SOX6: variants seen among roughly 807,000 people sequenced by gnomAD.
SOX6 encodes SRY-box transcription factor 6, also known as transcription factor SOX-6.
SOX6 carries 11 observed loss-of-function variants against 97.8 expected under a neutral mutation model. That is an observed-to-expected ratio of 0.11 (90% CI 0.07 to 0.19). SOX6 has a LOEUF of 0.19. Ranked by LOEUF, SOX6 falls within the 10% of genes least tolerant of loss-of-function variation. The pLI, the probability that SOX6 is intolerant of heterozygous loss-of-function variation, is 1.00. For synonymous variants in SOX6, 360 were observed against 371.4 expected, an observed-to-expected ratio of 0.97 and a Z score of 0.35; for missense variants, 810 against 1,039.5, an observed-to-expected ratio of 0.78 and a Z score of 3.04.
chr11:16,511,494 GC>G (rs1860879175), intron 4 of SOX6, among the ~76,000 whole-genome samples: 1 of 151,892 alleles, frequency 6.6e-6, no homozygotes, highest in Admixed American at 6.6e-5. Flanking sequence ...ATATTCCCAG[GC>G]TTTACCTGTT....
intron 3 of SOX6, among the ~76,000 whole-genome samples, chr11:16,661,580 C>T (rs990353122): frequency 2.0e-5 from 3 of 152,090 alleles, no homozygotes; most frequent in African/African-American, 7.2e-5. Flanking sequence ...CAAGGTCCTG[C>T]TCTGTCACGA....
intron 3 of SOX6, among the ~76,000 whole-genome samples, chr11:16,256,241 T>C (rs1464107065): frequency 1.3e-5 from 2 of 151,894 alleles, no homozygotes; most frequent in Non-Finnish European, 2.9e-5. Flanking sequence ...GACAAGGATA[T>C]TATAAGAAAA....
chr11:16,599,419 T>C (rs569071076), intron 4 of SOX6, among the ~76,000 whole-genome samples: 4 of 152,232 alleles, frequency 2.6e-5, no homozygotes, highest in Admixed American at 2.0e-4. Context: ...TGTATTTCAC[T>C]ATTTATCCCC....
chr11:15,990,430 T>G (rs1346810152), intron 13 of SOX6, among the ~76,000 whole-genome samples: 4 of 151,724 alleles, frequency 2.6e-5, no homozygotes, highest in African/African-American at 9.7e-5. Flanking sequence ...AAGAGCTGAC[T>G]CTAGTAACAT....
chr11:15,984,247 C>G (rs977758321), intron 15 of SOX6, among the ~76,000 whole-genome samples: 3 of 152,086 alleles, frequency 2.0e-5, no homozygotes, highest in Non-Finnish European at 4.4e-5. Flanking sequence ...TGATCTAGAG[C>G]TGTTTTAATG....
intron 3 of SOX6, among the ~76,000 whole-genome samples, chr11:16,265,317 C>T (rs1308197796): frequency 1.3e-5 from 2 of 151,864 alleles, no homozygotes; most frequent in Non-Finnish European, 2.9e-5. Flanking sequence ...TGGAAATAGT[C>T]ATGATTTGGT....
At chr11:16,309,738 G>C (rs1855542951) in intron 3 of SOX6, among the ~76,000 whole-genome samples, 1 of 151,506 alleles carries the variant, frequency 6.6e-6, no homozygotes, top group Non-Finnish European at 1.5e-5. Flanking sequence ...TTTTTCTTTT[G>C]ATATTGCATA....
intron 6 of SOX6, among the ~76,000 whole-genome samples, chr11:16,134,520 C>A (rs1590218511): frequency 6.6e-6 from 1 of 152,200 alleles, no homozygotes; most frequent in Non-Finnish European, 1.5e-5. Context: ...TTTGTGGCAA[C>A]CCTGGTCAAG....
chr11:16,552,073 T>C (rs528937565), intron 4 of SOX6, among the ~76,000 whole-genome samples: 1 of 151,270 alleles, frequency 6.6e-6, no homozygotes, highest in East Asian at 1.9e-4. Flanking sequence ...CATATTTTAT[T>C]GAAACCCAAA....
chr11:16,658,477 G>C (rs924107559), intron 3 of SOX6, among the ~76,000 whole-genome samples: 3 of 152,094 alleles, frequency 2.0e-5, no homozygotes, highest in Non-Finnish European at 2.9e-5. Context: ...GGGAGGCCAA[G>C]GCAGGCAGAT....
chr11:16,678,972 G>A (rs1249691978), intron 3 of SOX6, among the ~76,000 whole-genome samples: 2 of 152,254 alleles, frequency 1.3e-5, no homozygotes, highest in African/African-American at 4.8e-5. Flanking sequence ...CTCGAACTGG[G>A]TGGAGGCCAC....
Position 16,583,612 on chromosome 11 carries a change from T to TACATATATATATATATACACACACAC in SOX6, n.609+28468_609+28469insGTGTGTGTGTATATATATATATATGT, listed in dbSNP as rs1565186371. ...ATATATGTATATATGTGTATATATA[T>TACATATATATATATATACACACACAC]ACATATATATATATATATATATATA... On this transcript the variant is annotated intron_variant and non_coding_transcript_variant, in intron 4 of 5. Transcript: ENST00000524520. 2.0e-3 allele frequency among the ~76,000 whole-genome samples: 86 copies of TACATATATATATATATACACACACAC among 43,944 alleles called. 2 individuals are homozygous for TACATATATATATATATACACACACAC. Among genetic ancestry groups the TACATATATATATATATACACACACAC allele is most frequent in the African/African-American group, 2.8e-3 (28 of 10,118 alleles). The allele number at this position is 43,944 out of a possible 152,430, so 28.8% of individuals were successfully genotyped here.
chr11:16,522,278 T>A (rs1861080314), intron 4 of SOX6, among the ~76,000 whole-genome samples: 2 of 151,900 alleles, frequency 1.3e-5, no homozygotes, highest in African/African-American at 4.8e-5. Flanking sequence ...TAACAGCGGA[T>A]CTCTTGGCAG....
At chr11:16,522,019 G>C (rs1462479602) in intron 4 of SOX6, among the ~76,000 whole-genome samples, 1 of 152,208 alleles carries the variant, frequency 6.6e-6, no homozygotes, top group Non-Finnish European at 1.5e-5. Context: ...GTACCTGAAA[G>C]TGACAGGAAG....
In SOX6 at chr11:16,010,125, TACACACACACACACACACAC is replaced by T. The variant is rs67556517; in HGVS notation, c.1732+4797_1732+4816del. 6.6e-5 allele frequency among the ~76,000 whole-genome samples: 9 copies of T among 135,576 alleles called. No homozygotes were observed. In the South Asian group the frequency reaches 1.0e-3, roughly 15 times the overall value. 88.9% of individuals were successfully genotyped at this position (135,576 alleles called of 152,430 possible). A position where few individuals can be genotyped will look rare whatever the true frequency, so the allele number is the denominator to read the frequency against. On this transcript the variant is annotated intron_variant, in intron 13 of 15. Transcript: ENST00000683767. ...TATAAAACTTAGAAGCAGTTGGAGC[TACACACACACACACACACAC>T]ACACACACACACACACACACACACA...
intron 1 of SOX6, among the ~76,000 whole-genome samples, chr11:16,397,946 G>A (rs530411943): frequency 6.6e-6 from 1 of 151,660 alleles, no homozygotes; most frequent in African/African-American, 2.4e-5. Context: ...TTTTCTCTTA[G>A]TAAAAAGGTC....
At chr11:16,246,900 C>T (rs553658971) in intron 3 of SOX6, among the ~76,000 whole-genome samples, 1 of 152,206 alleles carries the variant, frequency 6.6e-6, no homozygotes, top group South Asian at 2.1e-4. Context: ...TTTGCCATTT[C>T]TTTGTGTTAG....
intron 6 of SOX6, among the ~76,000 whole-genome samples, chr11:16,135,282 T>G (rs1849931847): frequency 6.6e-6 from 1 of 152,230 alleles, no homozygotes; most frequent in Non-Finnish European, 1.5e-5. Context: ...ACACTCATTT[T>G]GCAGTCCATG....
chr11:16,195,204 T>C (rs1851739476), intron 4 of SOX6, among the ~76,000 whole-genome samples: 1 of 152,178 alleles, frequency 6.6e-6, no homozygotes, highest in Admixed American at 6.5e-5. Flanking sequence ...ATCCAAAAAG[T>C]TACATTGTTA....
Sources: gnomAD v4.1 joint callset for allele counts (sites outside exome capture counted in the v4.1 genomes callset) on GRCh38, gnomAD v4.1.1 for gene constraint, MANE v1.5 for transcripts, NCBI Gene and HGNC (gene_info 2026-07-23, HGNC 2026-07-21) for gene names.